Variants in NEGR1 observed in about 807,000 individuals in gnomAD.
NEGR1 encodes the protein IgLON family member 4.
NEGR1 carries 10 observed loss-of-function variants against 40.9 expected under a neutral mutation model. That is an observed-to-expected ratio of 0.24 (90% CI 0.15 to 0.42). NEGR1 has a LOEUF of 0.42. Among genes scored for constraint, NEGR1 ranks in the 10% least tolerant of loss-of-function variants. The pLI is 1.00. For missense variants in NEGR1, 352 were observed against 438.9 expected (o/e 0.80, Z 1.77); for synonymous variants, 185 against 166.8 (o/e 1.11, Z -0.84).
At chr1:72,071,903 T>C (rs1395697344) in intron 1 of NEGR1, among the ~76,000 whole-genome samples, 1 of 152,152 alleles carries the variant, frequency 6.6e-6, no homozygotes, top group African/African-American at 2.4e-5. Flanking sequence ...GAAACAAATG[T>C]AAACATTGTG....
At chr1:72,131,273 G>A (rs1650239172) in intron 1 of NEGR1, among the ~76,000 whole-genome samples, 1 of 152,054 alleles carries the variant, frequency 6.6e-6, no homozygotes, top group Middle Eastern at 3.2e-3. Context: ...TTATTAAGTT[G>A]TGTCAGGTAT....
chr1:71,844,311 G>A (rs559351273), intron 2 of NEGR1, among the ~76,000 whole-genome samples: 1 of 152,240 alleles, frequency 6.6e-6, no homozygotes, highest in East Asian at 1.9e-4. Flanking sequence ...ACTTGTGTTT[G>A]AATCACACCA....
chr1:71,621,887 T>TA (rs1650621091), intron 4 of NEGR1, among the ~76,000 whole-genome samples: 1 of 151,888 alleles, frequency 6.6e-6, no homozygotes, highest in Non-Finnish European at 1.5e-5. Context: ...ATGCACATGT[T>TA]AGAGGCCATA....
At chr1:71,941,273 A>G (rs1040039124) in intron 1 of NEGR1, among the ~76,000 whole-genome samples, 2 of 152,248 alleles carry the variant, frequency 1.3e-5, no homozygotes, top group African/African-American at 4.8e-5. Context: ...CAAATGAGGT[A>G]AGGCAAGTGA....
chr1:71,617,741 A>G (rs972940242), intron 4 of NEGR1, among the ~76,000 whole-genome samples: 1 of 152,204 alleles, frequency 6.6e-6, no homozygotes, highest in Non-Finnish European at 1.5e-5. Flanking sequence ...GTTAAAATAC[A>G]TGCCCTTAAC....
intron 3 of NEGR1, among the ~76,000 whole-genome samples, chr1:71,708,972 T>C (rs949683848): frequency 5.3e-5 from 8 of 152,218 alleles, no homozygotes; most frequent in South Asian, 2.1e-4. Context: ...GTGTCATATT[T>C]TCTTTATTCA....
intron 3 of NEGR1, among the ~76,000 whole-genome samples, chr1:71,746,525 T>G (rs1655387416): frequency 6.6e-6 from 1 of 152,146 alleles, no homozygotes; most frequent in African/African-American, 2.4e-5. Flanking sequence ...CTGCTCATTA[T>G]GTAAGTCCTT....
intron 1 of NEGR1, among the ~76,000 whole-genome samples, chr1:72,027,608 T>G (rs1396523587): frequency 6.6e-6 from 1 of 152,292 alleles, no homozygotes; most frequent in Non-Finnish European, 1.5e-5. Context: ...TGCAACTTTT[T>G]ATTAGTCTTT....
At chr1:71,578,599 T>C (rs1369305061) in intron 6 of NEGR1, among the ~76,000 whole-genome samples, 1 of 152,108 alleles carries the variant, frequency 6.6e-6, no homozygotes, top group African/African-American at 2.4e-5. Flanking sequence ...CGGTATTACT[T>C]TACTCAGAGA....
chr1:72,001,296 T>A (rs1020578419), intron 1 of NEGR1, among the ~76,000 whole-genome samples: 3 of 152,050 alleles, frequency 2.0e-5, no homozygotes, highest in African/African-American at 7.2e-5. Context: ...GGTGTGTCCA[T>A]GTCCTTGATT....
intron 6 of NEGR1, among the ~76,000 whole-genome samples, chr1:71,444,554 T>A (rs1311849217): frequency 6.6e-6 from 1 of 152,136 alleles, no homozygotes; most frequent in African/African-American, 2.4e-5. Context: ...AAATTGTTTT[T>A]AGCTCAAGGG....
rs149776712 is a variant in NEGR1, at chr1:72,177,451, T to C, written c.176+104868A>G. Among the ~76,000 whole-genome samples the C allele has an allele frequency of 4.4e-3, 669 of 152,218 alleles. 5 individuals are homozygous for C. The highest frequency in any genetic ancestry group is 0.015 in the African/African-American group (643 of 41,578). ...CTGAACATTTATTTCATTTTTCTAA[T>C]AATTTATTATAACTAATAGTACATT... is the stretch of plus-strand genomic sequence containing the variant. On this transcript the variant is annotated intron_variant, in intron 1 of 6. Transcript: ENST00000357731.
At chr1:71,768,385 A>G (rs1185605818) in intron 3 of NEGR1, among the ~76,000 whole-genome samples, 1 of 152,088 alleles carries the variant, frequency 6.6e-6, no homozygotes, top group Non-Finnish European at 1.5e-5. Flanking sequence ...TGAAGTTTTG[A>G]GATTTAATGA....
chr1:72,259,616 T>C (rs1655390201), intron 1 of NEGR1, among the ~76,000 whole-genome samples: 1 of 152,098 alleles, frequency 6.6e-6, no homozygotes, highest in South Asian at 2.1e-4. Context: ...GTGTATTATA[T>C]TCCACAGCAA....
At chr1:71,589,193 G>A (rs1194323416) in intron 6 of NEGR1, among the ~76,000 whole-genome samples, 2 of 152,086 alleles carry the variant, frequency 1.3e-5, no homozygotes, top group East Asian at 3.9e-4. Context: ...GGACAGTGCT[G>A]ACTCTTCATT....
chr1:72,114,093 G>C (rs966314573), intron 1 of NEGR1, among the ~76,000 whole-genome samples: 2 of 151,714 alleles, frequency 1.3e-5, no homozygotes, highest in Non-Finnish European at 2.9e-5. Context: ...ATGGTTAATT[G>C]TATGTGTTAA....
Position 72,282,457 on chromosome 1 carries a change from G to C in NEGR1, c.38C>G (p.Ser13Trp), listed in dbSNP as rs751003323. Residue 13 changes from serine to tryptophan, a missense_variant, in exon 1 of 7, where the codon TCG becomes TGG. Transcript: ENST00000357731. ...GAGCACCGCCGCCAGCCACTGGTTC[G>C]AGCAACAAGCACCCTGCACCAACAG... ...MMLLVQGACCSNQWLAAVLLS... is the reference protein window; with the variant it reads ...MMLLVQGACCWNQWLAAVLLS... 13 of 1,613,634 alleles carry C rather than the reference G, an allele frequency of 8.1e-6. No individual in the cohort carries two copies. The highest frequency in any genetic ancestry group is 1.7e-5 in the Admixed American group (1 of 59,988).
chr1:71,472,412 T>C lies in NEGR1; in HGVS notation c.941-64842A>G, dbSNP rs564778677. Among the ~76,000 whole-genome samples the C allele has an allele frequency of 1.1e-3, 164 of 152,284 alleles. 1 individual carries two copies. The highest frequency in any genetic ancestry group is 3.8e-3 in the African/African-American group (160 of 41,578). On this transcript the variant is annotated intron_variant, in intron 6 of 6. Coordinates refer to ENST00000357731, the MANE Select transcript of NEGR1 (RefSeq NM_173808.3). ...AAATCTCGATATATGAACTTTTTGA[T>C]TCTCCACCCTCCAGGATCATGATTT...
At chr1:72,074,513 G>T (rs912148246) in intron 1 of NEGR1, among the ~76,000 whole-genome samples, 1 of 151,492 alleles carries the variant, frequency 6.6e-6, no homozygotes, top group Non-Finnish European at 1.5e-5. Flanking sequence ...TTTCCCTCTC[G>T]GTCATGGCAC....
Sources: gnomAD v4.1 joint callset for allele counts (sites outside exome capture counted in the v4.1 genomes callset) on GRCh38, gnomAD v4.1.1 for gene constraint, MANE v1.5 for transcripts, NCBI Gene and HGNC (gene_info 2026-07-23, HGNC 2026-07-21) for gene names.